Variants in MOBP observed in about 807,000 individuals in gnomAD.
MOBP encodes myelin associated oligodendrocyte basic protein, also known as myelin-associated oligodendrocyte basic protein.
In MOBP, 5 loss-of-function variants were observed where a neutral mutation model predicts 15.0. The observed-to-expected ratio is 0.33, with a 90% CI of 0.17 to 0.70. The LOEUF is 0.70. MOBP is among the 30% of genes least tolerant of loss of function. MOBP has a pLI of 0.67. For missense variants in MOBP, 188 were observed against 257.8 expected, an observed-to-expected ratio of 0.73 and a Z score of 1.85; for synonymous variants, 88 against 99.0, an observed-to-expected ratio of 0.89 and a Z score of 0.66.
rs1229899497 is a variant in MOBP at position 39,509,102 on chromosome 3, G to GTA, written c.*-4280_*-4279insAT. Among the ~76,000 whole-genome samples, 727 of 97,144 alleles carry GTA rather than the reference G, an allele frequency of 7.5e-3. 2 individuals carry two copies. The highest frequency in any genetic ancestry group is 0.018 in the African/African-American group (686 of 38,548). The allele number at this position is 97,144 out of a possible 152,430, so 63.7% of individuals were successfully genotyped here. A position where few individuals can be genotyped will look rare whatever the true frequency, so the allele number is the denominator to read the frequency against. On this transcript the variant is annotated intron_variant, in intron 4 of 4. Coordinates refer to the MOBP transcript ENST00000311042. ...TGTGTGAGAGTGTTTGTGTGTGTGT[G>GTA]TGTATATATATATATATATGGATTC...
At chr3:39,498,836 C>T (rs1027131362) in intron 2 of MOBP, among the ~76,000 whole-genome samples, 11 of 151,896 alleles carry the variant, frequency 7.2e-5, no homozygotes, top group African/African-American at 2.4e-4. Context: ...ACAATTTTCC[C>T]CTGAAGTGCT....
chr3:39,521,529 C>T (rs1477145381), intron 3 of MOBP, among the ~76,000 whole-genome samples: 1 of 152,116 alleles, frequency 6.6e-6, no homozygotes, highest in African/African-American at 2.4e-5. Context: ...TCATGGAACC[C>T]TGCAGCACTA....
downstream of MOBP, chr3:39,527,447 T>TG (rs2125678995): frequency 6.6e-6 from 1 of 151,296 alleles, no homozygotes; most frequent in East Asian, 1.9e-4. Context: ...TTCCTTTTTT[T>TG]TTTTTTTTTG....
intron 4 of MOBP, chr3:39,513,300 A>G (rs2043145280): frequency 1.6e-6 from 2 of 1,272,184 alleles, no homozygotes; most frequent in East Asian, 4.8e-5. Context: ...ATCCACAATT[A>G]TACTAACTGA....
intron 2 of MOBP, among the ~76,000 whole-genome samples, chr3:39,481,791 TAATC>T (rs966362416): frequency 1.2e-4 from 19 of 152,246 alleles, no homozygotes; most frequent in African/African-American, 4.6e-4. Flanking sequence ...TCTTACCACT[TAATC>T]AACTGTACTC....
intron 2 of MOBP, among the ~76,000 whole-genome samples, chr3:39,500,235 G>T (rs1470809685): frequency 6.6e-6 from 1 of 152,184 alleles, no homozygotes; most frequent in East Asian, 1.9e-4. Flanking sequence ...GTTTCTTGAG[G>T]ACTGGACTCA....
At position 39,468,510 on chromosome 3, in the gene MOBP, CTTG is replaced by C. The variant is rs201669214; in HGVS notation, c.-89+774_-89+776del. 2.6e-3 allele frequency among the ~76,000 whole-genome samples: 393 copies of C among 152,204 alleles called. 14 individuals carry two copies. The East Asian group carries it at 0.059, about 23-fold the overall frequency. On this transcript the variant is annotated intron_variant, in intron 1 of 3. Transcript: ENST00000684792. ...GTTTCGTATTTAGAATGACAGGAAA[CTTG>C]TTGGTGAGTGAGTTTTAAAAATTGT...
At chr3:39,511,806 G>A (rs2043122841) in intron 4 of MOBP, among the ~76,000 whole-genome samples, 2 of 152,098 alleles carry the variant, frequency 1.3e-5, no homozygotes, top group Admixed American at 1.3e-4. Context: ...AAATACACTT[G>A]CAGTCAGTCT....
At chr3:39,497,475 T>C (rs1421197823) in intron 2 of MOBP, among the ~76,000 whole-genome samples, 1 of 152,156 alleles carries the variant, frequency 6.6e-6, no homozygotes, top group East Asian at 1.9e-4. Context: ...CTCCTATTCC[T>C]TGGGAGGAGG....
intron 2 of MOBP, among the ~76,000 whole-genome samples, chr3:39,489,827 C>G (rs1002351963): frequency 6.6e-6 from 1 of 152,174 alleles, no homozygotes; most frequent in Admixed American, 6.5e-5. Context: ...GCTGGCCACT[C>G]CGAGTTTCTG....
downstream of MOBP, among the ~76,000 whole-genome samples, chr3:39,506,174 A>G: frequency 6.6e-6 from 1 of 151,834 alleles, no homozygotes; most frequent in East Asian, 1.9e-4. Context: ...TAGCATTTTG[A>G]CGTGTTTTGC....
chr3:39,478,545 G>A (rs756539987), intron 1 of MOBP, among the ~76,000 whole-genome samples: 2 of 151,972 alleles, frequency 1.3e-5, no homozygotes, highest in Non-Finnish European at 2.9e-5. Flanking sequence ...AGATTCCCAC[G>A]GCCTTAGCAT....
chr3:39,488,019 C>A (rs1249689630), intron 2 of MOBP, among the ~76,000 whole-genome samples: 1 of 152,084 alleles, frequency 6.6e-6, no homozygotes, highest in African/African-American at 2.4e-5. Flanking sequence ...TTCATGCATT[C>A]TTTTATACTT....
At chr3:39,519,852 C>T (rs577962746), downstream of MOBP, among the ~76,000 whole-genome samples, 1 of 152,190 alleles carries the variant, frequency 6.6e-6, no homozygotes, top group South Asian at 2.1e-4. Context: ...CTGCAGCCTC[C>T]CCATGCCCCT....
chr3:39,499,096 T>C (rs1213119662), intron 2 of MOBP, among the ~76,000 whole-genome samples: 1 of 152,128 alleles, frequency 6.6e-6, no homozygotes, highest in Non-Finnish European at 1.5e-5. Context: ...GCCAGAGGAA[T>C]TGGGAATGCC....
At chr3:39,481,698 C>T (rs887118406) in intron 2 of MOBP, among the ~76,000 whole-genome samples, 1 of 152,192 alleles carries the variant, frequency 6.6e-6, no homozygotes, top group Non-Finnish European at 1.5e-5. Context: ...TCTTTAGTCA[C>T]TATTCCCTCC....
intron 1 of MOBP, among the ~76,000 whole-genome samples, chr3:39,472,013 C>T (rs764416932): frequency 6.6e-6 from 1 of 152,170 alleles, no homozygotes; most frequent in Non-Finnish European, 1.5e-5. Flanking sequence ...GTGGTGGTTT[C>T]CTCAGAATCA....
intron 1 of MOBP, among the ~76,000 whole-genome samples, chr3:39,476,383 A>G (rs9825967): frequency 0.019 from 2,896 of 152,304 alleles, 68 homozygotes; most frequent in African/African-American, 0.065. Flanking sequence ...CTCATCAGAC[A>G]GAGCTAGGAA....
At chr3:39,509,106 A>G (rs582245) in intron 4 of MOBP, among the ~76,000 whole-genome samples, 22 of 7,506 alleles carry the variant, frequency 2.9e-3, no homozygotes, top group Non-Finnish European at 0.012. Context: ...GTGTGTGTGT[A>G]TATATATATA....
Sources: gnomAD v4.1 joint callset for allele counts (sites outside exome capture counted in the v4.1 genomes callset) on GRCh38, gnomAD v4.1.1 for gene constraint, MANE v1.5 for transcripts, NCBI Gene and HGNC (gene_info 2026-07-23, HGNC 2026-07-21) for gene names.